Variants in PARP2 observed in about 807,000 individuals in gnomAD.
PARP2 encodes the protein poly(ADP-ribose) polymerase 2, also known as poly [ADP-ribose] polymerase 2.
Under a neutral mutation model 77.8 loss-of-function variants are expected in PARP2, and 57 were observed. The ratio of observed to expected loss-of-function variants is 0.73; its 90% CI spans 0.59 to 0.91. The LOEUF (loss-of-function observed/expected upper bound fraction) is 0.91. Among genes scored for constraint, PARP2 ranks in the 40% least tolerant of loss-of-function variants. PARP2 has a pLI of 0.00. For missense variants in PARP2, 651 were observed against 689.0 expected, an observed-to-expected ratio of 0.94 and a Z score of 0.62; for synonymous variants, 226 against 242.6, an observed-to-expected ratio of 0.93 and a Z score of 0.64.
intron 4 of PARP2, among the ~76,000 whole-genome samples, chr14:20,347,872 T>C (rs4981989): frequency 0.21 from 21,253 of 100,290 alleles, 1,824 homozygotes; most frequent in South Asian, 0.29. Flanking sequence ...CTTTTGCACA[T>C]TTTTTTTTTT....
intron 7 of PARP2, among the ~76,000 whole-genome samples, chr14:20,353,292 A>T (rs941823940): frequency 6.6e-6 from 1 of 150,636 alleles, no homozygotes. Flanking sequence ...CCCAGGCTGG[A>T]GTGCAGTGGC....
intron 13 of PARP2, 47 bp downstream of exon 13, chr14:20,356,736 G>A (rs1225615548): frequency 4.3e-6 from 6 of 1,393,052 alleles, no homozygotes; most frequent in Non-Finnish European, 5.1e-6. Context: ...AAGGGATACA[G>A]TAATGTTCTC....
intron 4 of PARP2, among the ~76,000 whole-genome samples, chr14:20,347,550 G>A (rs1330831248): frequency 2.0e-5 from 3 of 148,786 alleles, no homozygotes; most frequent in Non-Finnish European, 4.5e-5. Context: ...CAAGTAGCTG[G>A]GACTACAGGT....
rs747255217 is a variant in PARP2 at position 20,352,280 on chromosome 14, G to C, written c.533G>C (p.Arg178Pro). 2 of 1,613,270 alleles carry C rather than the reference G, an allele frequency of 1.2e-6. No individual in the cohort carries two copies. The highest frequency in any genetic ancestry group is 1.7e-6 in the Non-Finnish European group (2 of 1,179,268). ...AAAACGAAAAACAATTGGGAAGATC[G>C]AGAAAAGTTTGAGAAGGTGCCTGGA... ...LDKTKNNWED[R>P]EKFEKVPGKY... The change falls in exon 7 of 16, where the codon CGA becomes CCA. Residue 178 changes from arginine to proline, a missense_variant. By Grantham distance (103) the Arg-to-Pro change is moderately radical. Transcript: ENST00000429687.
At chr14:20,350,461 C>T in intron 4 of PARP2, 65 bp from the exon 5 acceptor site, 1 of 794,538 alleles carries the variant, frequency 1.3e-6, no homozygotes. Flanking sequence ...AAGGATGAGT[C>T]ATTGGTTTAT....
intron 15 of PARP2, 55 bp from the exon 16 acceptor site, chr14:20,357,583 A>G (rs1884205283): frequency 6.2e-7 from 1 of 1,605,016 alleles, no homozygotes; most frequent in Non-Finnish European, 8.5e-7. Context: ...TACGTTCTCT[A>G]TTGCAGCTTC....
chr14:20,345,514 T>C, intron 3 of PARP2, 50 bp downstream of exon 3: 1 of 1,362,036 alleles, frequency 7.3e-7, no homozygotes, highest in Non-Finnish European at 1.0e-6. Context: ...TCAGAGAGCA[T>C]CCTTTGTTAT....
chr14:20,356,895 A>AG, intron 13 of PARP2, 156 bp from the exon 14 acceptor site: 1 of 676,928 alleles, frequency 1.5e-6, no homozygotes, highest in Non-Finnish European at 2.6e-6. Context: ...GGAAATTCAC[A>AG]GGGGCTTCTA....
chr14:20,353,169 C>T (rs544896467), intron 7 of PARP2, among the ~76,000 whole-genome samples: 4 of 151,298 alleles, frequency 2.6e-5, no homozygotes, highest in Non-Finnish European at 5.9e-5. Flanking sequence ...CGTGAGCCAT[C>T]ACGCCCGGCC....
intron 12 of PARP2, 42 bp from the exon 13 acceptor site, chr14:20,356,548 T>C: frequency 6.3e-7 from 1 of 1,599,756 alleles, no homozygotes; most frequent in Non-Finnish European, 8.6e-7. Context: ...ATGGCCTATC[T>C]GTGCAGAACA....
Position 20,346,251 on chromosome 14 carries a change from A to ATGAG in PARP2, c.274-610_274-607dup, listed in dbSNP as rs554341021. Among the ~76,000 whole-genome samples the ATGAG allele has an allele frequency of 4.8e-4, 73 of 151,666 alleles. 1 individual carries two copies. The East Asian group carries it at 9.5e-3, about 20-fold the overall frequency. ...ATGAGAAACTGTACCCTGGAATGGC[A>ATGAG]TGAGTTACTGATGAATGGGGAAAAA... On this transcript the variant is annotated intron_variant, in intron 3 of 15. Coordinates refer to ENST00000429687, the MANE Select transcript of PARP2 (RefSeq NM_001042618.2).
chr14:20,343,640 C>A lies in PARP2; in HGVS notation c.-2C>A, dbSNP rs1389628682. 6.2e-7 allele frequency: 1 copy of A among 1,610,024 alleles called. No individual in the cohort carries two copies. On this transcript the variant is annotated 5_prime_UTR_variant, in exon 1 of 16. Transcript: ENST00000429687. ...GGTTGATGACGTCAGCGTTCGAATT[C>A]CATGGCGGCGCGGCGGCGACGGAGC...
chr14:20,351,011 T>C, intron 5 of PARP2, 36 bp from the exon 6 acceptor site: 2 of 1,548,528 alleles, frequency 1.3e-6, no homozygotes, highest in Non-Finnish European at 1.8e-6. Context: ...CTGTTACTCT[T>C]AGGGAACTAT....
chr14:20,348,315 A>G (rs1214145988), intron 4 of PARP2, among the ~76,000 whole-genome samples: 3 of 151,664 alleles, frequency 2.0e-5, no homozygotes, highest in Non-Finnish European at 4.4e-5. Flanking sequence ...TTTTCCTTAT[A>G]GTACACTTTT....
intron 4 of PARP2, among the ~76,000 whole-genome samples, chr14:20,349,721 CCTT>C (rs1388382277): frequency 6.6e-6 from 1 of 151,880 alleles, no homozygotes; most frequent in Non-Finnish European, 1.5e-5. Flanking sequence ...CATCTAATGA[CCTT>C]TTTTTTTTCA....
chr14:20,348,636 T>C (rs975204675), intron 4 of PARP2, among the ~76,000 whole-genome samples: 1 of 152,232 alleles, frequency 6.6e-6, no homozygotes, highest in African/African-American at 2.4e-5. Context: ...ATGTTTGAAT[T>C]TATTGATCCA....
intron 2 of PARP2, 146 bp downstream of exon 2, chr14:20,345,233 C>G: frequency 9.7e-7 from 1 of 1,030,216 alleles, no homozygotes; most frequent in Non-Finnish European, 1.5e-6. Flanking sequence ...CAGCACTAAT[C>G]TACTGCCTTG....
chr14:20,353,164 G>A (rs988758915), intron 7 of PARP2, among the ~76,000 whole-genome samples: 50 of 152,282 alleles, frequency 3.3e-4, no homozygotes, highest in African/African-American at 1.2e-3. Flanking sequence ...ACAGGCGTGA[G>A]CCATCACGCC....
At chr14:20,356,092 C>T (rs1164732301) in intron 11 of PARP2, 61 bp downstream of exon 11, 5 of 1,569,398 alleles carry the variant, frequency 3.2e-6, no homozygotes, top group Non-Finnish European at 3.5e-6. Context: ...CCCCATCCCA[C>T]TGTTCTCTAA....
Sources: gnomAD v4.1 joint callset for allele counts (sites outside exome capture counted in the v4.1 genomes callset) on GRCh38, gnomAD v4.1.1 for gene constraint, MANE v1.5 for transcripts, NCBI Gene and HGNC (gene_info 2026-07-23, HGNC 2026-07-21) for gene names.